Variants in UTRN observed in about 807,000 individuals in gnomAD.
UTRN encodes the protein dystrophin-related protein 1.
UTRN carries 283 observed loss-of-function variants against 463.9 expected under a neutral mutation model. The observed-to-expected ratio is 0.61, with a 90% confidence interval of 0.55 to 0.67. The LOEUF is 0.67. Among genes scored for constraint, UTRN ranks in the 30% least tolerant of loss-of-function variants. The pLI is 0.00. For synonymous variants in UTRN, 1,442 were observed against 1,431.5 expected (o/e 1.01, Z -0.17); for missense variants, 3,922 against 4,084.3 (o/e 0.96, Z 1.08).
chr6:144,729,772 T>C (rs1295267251), intron 53 of UTRN, among the ~76,000 whole-genome samples: 3 of 152,244 alleles, frequency 2.0e-5, no homozygotes, highest in African/African-American at 7.2e-5. Flanking sequence ...AGAAAAATAG[T>C]AATTGCCTCA....
intron 68 of UTRN, 147 bp downstream of exon 68, chr6:144,827,823 C>G: frequency 1.0e-6 from 1 of 975,000 alleles, no homozygotes; most frequent in Admixed American, 2.9e-5. Flanking sequence ...TTTGGGCTCT[C>G]ATATTTTCAT....
chr6:144,319,208 T>C (rs1323763463), intron 2 of UTRN, among the ~76,000 whole-genome samples: 1 of 152,228 alleles, frequency 6.6e-6, no homozygotes. Flanking sequence ...TTTACTCTTT[T>C]AATGTTGTGG....
At chr6:144,536,554 T>C (rs1253013457) in intron 43 of UTRN, among the ~76,000 whole-genome samples, 1 of 152,088 alleles carries the variant, frequency 6.6e-6, no homozygotes, top group Non-Finnish European at 1.5e-5. Context: ...ATATTGACTG[T>C]TTATTAAATA....
chr6:144,576,082 T>A (rs1337931694), intron 50 of UTRN, among the ~76,000 whole-genome samples: 2 of 152,200 alleles, frequency 1.3e-5, no homozygotes, highest in African/African-American at 4.8e-5. Flanking sequence ...TTGTAACACG[T>A]GTCAGTACTT....
At chr6:144,848,865 T>C (rs1223370761) in intron 74 of UTRN, among the ~76,000 whole-genome samples, 1 of 152,116 alleles carries the variant, frequency 6.6e-6, no homozygotes, top group African/African-American at 2.4e-5. Flanking sequence ...ACGGAGTCAG[T>C]AGATGACTGC....
chr6:144,598,043 A>G (rs1296921786), intron 51 of UTRN, among the ~76,000 whole-genome samples: 1 of 152,226 alleles, frequency 6.6e-6, no homozygotes, highest in African/African-American at 2.4e-5. Flanking sequence ...GGAACAACAT[A>G]TATCATTCTG....
intron 51 of UTRN, among the ~76,000 whole-genome samples, chr6:144,663,400 G>A (rs1053384050): frequency 1.3e-5 from 2 of 152,098 alleles, no homozygotes; most frequent in African/African-American, 4.8e-5. Context: ...TTGCCACGCT[G>A]ATTTTAATTA....
At chr6:144,403,877 G>C (rs75530181) in intron 3 of UTRN, among the ~76,000 whole-genome samples, 2,675 of 152,270 alleles carry the variant, frequency 0.018, 86 homozygotes, top group African/African-American at 0.061. Flanking sequence ...AGAGTTTTCA[G>C]GATAACAGAT....
chr6:144,708,477 C>G, intron 53 of UTRN: 1 of 553,754 alleles, frequency 1.8e-6, no homozygotes, highest in Admixed American at 2.8e-5. Flanking sequence ...CGCCTTCATC[C>G]CCTCTGAGTT....
chr6:144,824,612 A>AT (rs1562955125), intron 66 of UTRN, among the ~76,000 whole-genome samples: 1 of 39,802 alleles, frequency 2.5e-5, no homozygotes, highest in African/African-American at 1.2e-4. Context: ...ATATATATAT[A>AT]TCTTTTTTTT....
chr6:144,407,361 T>A (rs962716938), intron 3 of UTRN, among the ~76,000 whole-genome samples: 6 of 151,952 alleles, frequency 3.9e-5, no homozygotes, highest in African/African-American at 1.5e-4. Flanking sequence ...GAGACAGGAG[T>A]AGAGTTTAGG....
chr6:144,663,928 C>T (rs754810779), intron 51 of UTRN, among the ~76,000 whole-genome samples: 2 of 152,134 alleles, frequency 1.3e-5, no homozygotes, highest in Non-Finnish European at 2.9e-5. Context: ...CATTTATTCC[C>T]TACTTAGCAA....
intron 51 of UTRN, among the ~76,000 whole-genome samples, chr6:144,579,063 T>C (rs1801714620): frequency 6.6e-6 from 1 of 152,246 alleles, no homozygotes; most frequent in African/African-American, 2.4e-5. Context: ...TGTTTTACTG[T>C]TGAGTTCTTA....
rs565461113 is a variant in UTRN at position 144,353,562 on chromosome 6, A to G, written c.80-49561A>G. The stretch of plus-strand genomic sequence containing the variant: ...CGTGAGCCACTGTGCCTGGCTATTT[A>G]TGTTTCCTAATTACTGCAGTGCTCA... On this transcript the variant is annotated intron_variant, in intron 2 of 74. Coordinates refer to ENST00000367545, the MANE Select transcript of UTRN (RefSeq NM_007124.3). Among the ~76,000 whole-genome samples, 12 of 152,100 alleles carry G rather than the reference A, an allele frequency of 7.9e-5. No homozygotes were observed. The South Asian group carries it at 2.5e-3, about 32-fold the overall frequency.
intron 3 of UTRN, among the ~76,000 whole-genome samples, chr6:144,412,259 T>A (rs1437656804): frequency 6.6e-6 from 1 of 152,146 alleles, no homozygotes; most frequent in Non-Finnish European, 1.5e-5. Flanking sequence ...AATCAATAAA[T>A]CCAAAGAAAA....
intron 55 of UTRN, among the ~76,000 whole-genome samples, chr6:144,751,438 T>C (rs1482499205): frequency 6.6e-6 from 1 of 152,216 alleles, no homozygotes; most frequent in African/African-American, 2.4e-5. Flanking sequence ...TTAAGTCAGC[T>C]GTTGTTGAGT....
chr6:144,557,102 T>A (rs1256934964), intron 49 of UTRN, 55 bp from the exon 50 acceptor site: 4 of 1,570,372 alleles, frequency 2.5e-6, no homozygotes, highest in Admixed American at 1.8e-5. Context: ...TTGTTTTGAT[T>A]ATACTAATTA....
intron 34 of UTRN, 48 bp from the exon 35 acceptor site, chr6:144,510,896 T>C (rs756012043): frequency 7.0e-7 from 1 of 1,423,686 alleles, no homozygotes; most frequent in Non-Finnish European, 9.3e-7. Flanking sequence ...TATATACTTT[T>C]ATAATATTCT....
At chr6:144,663,852 G>A (rs1370704205) in intron 51 of UTRN, among the ~76,000 whole-genome samples, 5 of 152,062 alleles carry the variant, frequency 3.3e-5, no homozygotes, top group Admixed American at 3.3e-4. Context: ...TGCTCAGTTT[G>A]CCATATCTCA....
Sources: gnomAD v4.1 joint callset for allele counts (sites outside exome capture counted in the v4.1 genomes callset) on GRCh38, gnomAD v4.1.1 for gene constraint, MANE v1.5 for transcripts, NCBI Gene and HGNC (gene_info 2026-07-23, HGNC 2026-07-21) for gene names.